Variants in PSMA1 observed in about 807,000 individuals in gnomAD.
PSMA1 encodes the protein proteasome 20S subunit alpha 1.
A neutral mutation model predicts 38.4 loss-of-function variants in PSMA1; 3 were observed. The ratio of observed to expected loss-of-function variants is 0.08; its 90% CI spans 0.04 to 0.20. The LOEUF (loss-of-function observed/expected upper bound fraction) is 0.20. Ranked by LOEUF, PSMA1 falls within the 10% of genes least tolerant of loss-of-function variation. The pLI, the probability that PSMA1 is intolerant of heterozygous loss-of-function variation, is 1.00. For synonymous variants in PSMA1, 101 were observed against 107.1 expected, an observed-to-expected ratio of 0.94 and a Z score of 0.35; for missense variants, 227 against 325.3, an observed-to-expected ratio of 0.70 and a Z score of 2.32.
chr11:14,526,403 C>G (rs1357365211), intron 2 of PSMA1, among the ~76,000 whole-genome samples: 2 of 152,166 alleles, frequency 1.3e-5, no homozygotes, highest in Admixed American at 1.3e-4. Flanking sequence ...TACACAAGGA[C>G]CGGGACCGCA....
intron 2 of PSMA1, among the ~76,000 whole-genome samples, chr11:14,565,669 G>C (rs1471594682): frequency 6.6e-6 from 1 of 152,154 alleles, no homozygotes; most frequent in Non-Finnish European, 1.5e-5. Flanking sequence ...GTATATCATG[G>C]AGCAAAGCAG....
chr11:14,629,101 C>T (rs1169840573), intron 1 of PSMA1, among the ~76,000 whole-genome samples: 6 of 151,906 alleles, frequency 3.9e-5, no homozygotes, highest in Non-Finnish European at 8.8e-5. Flanking sequence ...CGAAAATTTT[C>T]TCCCATTTTG....
At chr11:14,616,602 T>G (rs1412696807) in intron 1 of PSMA1, among the ~76,000 whole-genome samples, 1 of 150,424 alleles carries the variant, frequency 6.6e-6, no homozygotes, top group Non-Finnish European at 1.5e-5. Context: ...AAGATTACAA[T>G]AGATAAAGGT....
chr11:14,517,615 AT>A, intron 4 of PSMA1, 26 bp downstream of exon 4: 1 of 1,454,384 alleles, frequency 6.9e-7, no homozygotes, highest in South Asian at 1.3e-5. Context: ...AACAAAAAGG[AT>A]GTTTATTTTT....
At chr11:14,572,420 T>A (rs1478255486) in intron 2 of PSMA1, among the ~76,000 whole-genome samples, 3 of 152,056 alleles carry the variant, frequency 2.0e-5, no homozygotes, top group African/African-American at 7.2e-5. Context: ...GACTACTGAG[T>A]ACATAACGAA....
intron 2 of PSMA1, among the ~76,000 whole-genome samples, chr11:14,526,410 C>A (rs557762159): frequency 6.9e-6 from 1 of 144,788 alleles, no homozygotes; most frequent in Non-Finnish European, 1.5e-5. Context: ...GGACCGGGAC[C>A]GCACCCTATA....
chr11:14,514,259 G>A, intron 5 of PSMA1, 144 bp downstream of exon 5: 3 of 1,379,810 alleles, frequency 2.2e-6, no homozygotes, highest in Non-Finnish European at 2.8e-6. Context: ...GCTTATAAAG[G>A]CTAATGAAAG....
At chr11:14,577,426 T>C (rs536403591) in intron 2 of PSMA1, among the ~76,000 whole-genome samples, 1 of 152,132 alleles carries the variant, frequency 6.6e-6, no homozygotes, top group African/African-American at 2.4e-5. Context: ...CCAATGATGA[T>C]CTTTCCTCCA....
intron 1 of PSMA1, among the ~76,000 whole-genome samples, chr11:14,619,494 G>A (rs993880049): frequency 6.6e-6 from 1 of 152,106 alleles, no homozygotes; most frequent in Admixed American, 6.6e-5. Flanking sequence ...AAGAATACAC[G>A]AAGAGGAGAG....
intron 1 of PSMA1, among the ~76,000 whole-genome samples, chr11:14,615,786 T>C (rs1279728558): frequency 6.6e-6 from 1 of 152,230 alleles, no homozygotes; most frequent in Non-Finnish European, 1.5e-5. Context: ...ATTCCAATTG[T>C]TTTAGCCTAC....
exon 2 of PSMA1, chr11:14,611,000 G>C (rs372089269): frequency 3.0e-4 from 480 of 1,612,348 alleles, no homozygotes; most frequent in Non-Finnish European, 3.9e-4. Context: ...ATTTCCAGGA[G>C]ACAGTCACCT....
chr11:14,571,131 C>T lies in PSMA1; in HGVS notation c.21+39835G>A, dbSNP rs372255298. 4.6e-5 allele frequency among the ~76,000 whole-genome samples: 7 copies of T among 152,312 alleles called. 1 individual carries two copies. In the East Asian group the frequency reaches 5.8e-4, roughly 13 times the overall value. On this transcript the variant is annotated intron_variant, in intron 2 of 10. Transcript: ENST00000418988. ...AGGCAGGAGTGTACTGGCGAGATCG[C>T]GGATCATGGCAAGCTCCACCTCCCA...
chr11:14,575,067 C>G (rs1240415750), intron 2 of PSMA1, among the ~76,000 whole-genome samples: 1 of 152,068 alleles, frequency 6.6e-6, no homozygotes, highest in Non-Finnish European at 1.5e-5. Context: ...ACAATGAAGT[C>G]CCAGGCTGCG....
intron 2 of PSMA1, among the ~76,000 whole-genome samples, chr11:14,593,416 T>C (rs1852445508): frequency 1.3e-5 from 2 of 152,180 alleles, no homozygotes; most frequent in Admixed American, 1.3e-4. Flanking sequence ...TGAAAATGCT[T>C]CCATAAGGTT....
chr11:14,582,040 T>C (rs1852287673), intron 2 of PSMA1, among the ~76,000 whole-genome samples: 1 of 152,134 alleles, frequency 6.6e-6, no homozygotes, highest in Non-Finnish European at 1.5e-5. Context: ...AGAAAACCTT[T>C]CCACAAAGGC....
At chr11:14,550,602 A>C (rs958142104) in intron 2 of PSMA1, among the ~76,000 whole-genome samples, 1 of 152,150 alleles carries the variant, frequency 6.6e-6, no homozygotes, top group Non-Finnish European at 1.5e-5. Context: ...AAAACTAGAG[A>C]AGAAAAAAAA....
chr11:14,514,583 C>A, intron 4 of PSMA1, 92 bp from the exon 5 acceptor site: 1 of 980,650 alleles, frequency 1.0e-6, no homozygotes, highest in Non-Finnish European at 1.4e-6. Flanking sequence ...TTCTTCCAAG[C>A]GTTTACATGG....
chr11:14,629,865 T>C (rs1384250945), intron 1 of PSMA1, among the ~76,000 whole-genome samples: 4 of 152,212 alleles, frequency 2.6e-5, no homozygotes, highest in Non-Finnish European at 4.4e-5. Flanking sequence ...TTGTAGTTCT[T>C]CTTGAAGAGG....
In PSMA1 at chr11:14,584,420, C is replaced by T. The variant is rs73424242; in HGVS notation, c.21+26546G>A. Reference sequence around the variant, plus strand: ...TTAAGTGGAAGATACCACATTTAGCCTCTTCCGGATGGCTCAGAGGCATCA... The same window carrying T: ...TTAAGTGGAAGATACCACATTTAGCTTCTTCCGGATGGCTCAGAGGCATCA... On this transcript the variant is annotated intron_variant, in intron 2 of 10. Transcript: ENST00000418988. 2.1e-3 allele frequency among the ~76,000 whole-genome samples: 312 copies of T among 151,930 alleles called. 2 individuals carry two copies. The highest frequency in any genetic ancestry group is 7.4e-3 in the African/African-American group (305 of 41,372).
Sources: gnomAD v4.1 joint callset for allele counts (sites outside exome capture counted in the v4.1 genomes callset) on GRCh38, gnomAD v4.1.1 for gene constraint, MANE v1.5 for transcripts, NCBI Gene and HGNC (gene_info 2026-07-23, HGNC 2026-07-21) for gene names.